The following ADAMTS9 variants were observed in gnomAD, a reference collection of about 807,000 sequenced individuals.
ADAMTS9 encodes the protein ADAM metallopeptidase with thrombospondin type 1 motif 9.
A neutral mutation model predicts 257.1 loss-of-function variants in ADAMTS9; 107 were observed. That is an observed-to-expected ratio of 0.42 (90% CI 0.36 to 0.49). The LOEUF (loss-of-function observed/expected upper bound fraction) is 0.49, where lower values mean the gene tolerates loss of function less well. ADAMTS9 is among the 20% of genes least tolerant of loss of function. The pLI, the probability that ADAMTS9 is intolerant of heterozygous loss-of-function variation, is 0.03. For synonymous variants in ADAMTS9, 982 were observed against 880.9 expected (o/e 1.11, Z -2.03); for missense variants, 2,353 against 2,469.1 (o/e 0.95, Z 1.00).
chr3:64,625,269 G>A (rs1477116921), intron 16 of ADAMTS9, among the ~76,000 whole-genome samples: 1 of 152,152 alleles, frequency 6.6e-6, no homozygotes, highest in African/African-American at 2.4e-5. Context: ...GTGGAATGAG[G>A]AGTGGACAAG....
At chr3:64,546,549 T>A (rs969155416) in intron 32 of ADAMTS9, among the ~76,000 whole-genome samples, 6 of 152,198 alleles carry the variant, frequency 3.9e-5, no homozygotes, top group Admixed American at 6.5e-5. Flanking sequence ...ATCCAGACTG[T>A]CTGGCTTCAG....
chr3:64,644,028 A>C lies in ADAMTS9; in HGVS notation c.1711-2035T>G, dbSNP rs571595639. On this transcript the variant is annotated intron_variant, in intron 11 of 39. Transcript: ENST00000498707. ...TAAAGTCTGTTTCCACAATCAAAAA[A>C]TGGGGACCTACTGGCCAAAATTATT... 4.6e-5 allele frequency among the ~76,000 whole-genome samples: 7 copies of C among 152,328 alleles called. No homozygotes were observed. In the South Asian group the frequency reaches 8.3e-4, roughly 18 times the overall value.
At chr3:64,570,699 A>C (rs1185748135) in intron 28 of ADAMTS9, among the ~76,000 whole-genome samples, 14 of 94,324 alleles carry the variant, frequency 1.5e-4, no homozygotes, top group African/African-American at 4.6e-4. Context: ...CCGTCTCAAA[A>C]AAAAAAAAAA....
At chr3:64,648,144 T>C (rs1160865427) in intron 10 of ADAMTS9, 100 bp from the exon 11 acceptor site, 27 of 1,045,496 alleles carry the variant, frequency 2.6e-5, no homozygotes, top group Non-Finnish European at 3.7e-5. Flanking sequence ...ACCAATGACA[T>C]AGGGTAAGTG....
At position 64,686,902 on chromosome 3, in the gene ADAMTS9, T is replaced by A. The variant is rs767055925; in HGVS notation, c.182A>T (p.Glu61Val). The A allele has an allele frequency of 9.3e-6, 15 of 1,614,156 alleles. No individual in the cohort carries two copies. In the African/African-American group the frequency reaches 1.9e-4, roughly 20 times the overall value. The change falls in exon 2 of 40, where the codon GAA (glutamate) becomes GTA (valine). Residue 61 changes from glutamate to valine, a missense_variant. Transcript: ENST00000498707. This position sits in a 1 kb window ranked among gnomAD's most constrained non-coding sequence, Gnocchi z 4.6. ...VSPIRVNALG[E>V]PFPTNVHFKR... ...GAAGTGGACGTTCGTGGGAAAGGGT[T>A]CTCCGAGAGCGTTCACTCGGATGGG...
chr3:64,634,112 A>G (rs1384277944), intron 12 of ADAMTS9, among the ~76,000 whole-genome samples: 1 of 151,984 alleles, frequency 6.6e-6, no homozygotes, highest in South Asian at 2.1e-4. Flanking sequence ...ATATTTGCAA[A>G]ATGGGATGTA....
intron 3 of ADAMTS9, among the ~76,000 whole-genome samples, chr3:64,665,129 G>A (rs367830844): frequency 2.0e-4 from 30 of 152,256 alleles, no homozygotes; most frequent in East Asian, 9.6e-4. Flanking sequence ...AAATTTAGAC[G>A]TGTTTAAAAA....
At chr3:64,597,507 T>G (rs1404127308) in intron 26 of ADAMTS9, among the ~76,000 whole-genome samples, 2 of 152,222 alleles carry the variant, frequency 1.3e-5, no homozygotes, top group African/African-American at 2.4e-5. Context: ...GGAATGTCAT[T>G]TAGACATCAT....
intron 19 of ADAMTS9, among the ~76,000 whole-genome samples, chr3:64,620,369 T>TAA (rs1210033988): frequency 2.0e-5 from 3 of 152,148 alleles, no homozygotes; most frequent in African/African-American, 7.2e-5. Flanking sequence ...TGCTTATAAA[T>TAA]GGTGAGACCT....
At chr3:64,640,651 T>G (rs754119707) in intron 12 of ADAMTS9, among the ~76,000 whole-genome samples, 4 of 152,218 alleles carry the variant, frequency 2.6e-5, no homozygotes, top group Non-Finnish European at 5.9e-5. Context: ...GACTTCTTGG[T>G]TCCCAGCCTA....
At chr3:64,574,624 T>C (rs1323948112) in intron 28 of ADAMTS9, among the ~76,000 whole-genome samples, 1 of 151,688 alleles carries the variant, frequency 6.6e-6, no homozygotes, top group East Asian at 1.9e-4. Flanking sequence ...TTCCAACTGC[T>C]TGGGCAACTG....
intron 19 of ADAMTS9, among the ~76,000 whole-genome samples, chr3:64,620,484 C>A (rs992149391): frequency 1.3e-5 from 2 of 151,282 alleles, no homozygotes; most frequent in Admixed American, 1.3e-4. Context: ...GTATAAAATG[C>A]AAGCCCCGAC....
chr3:64,545,695 C>A (rs1022519652), intron 32 of ADAMTS9, among the ~76,000 whole-genome samples: 1 of 152,148 alleles, frequency 6.6e-6, no homozygotes, highest in African/African-American at 2.4e-5. Context: ...CAACATGGCA[C>A]ATGTATACAT....
At chr3:64,552,982 T>G (rs957873178) in intron 30 of ADAMTS9, among the ~76,000 whole-genome samples, 1 of 152,188 alleles carries the variant, frequency 6.6e-6, no homozygotes, top group Non-Finnish European at 1.5e-5. Context: ...GCATTTATGT[T>G]TGGAACTCAG....
At chr3:64,669,890 C>T (rs544357408) in intron 3 of ADAMTS9, among the ~76,000 whole-genome samples, 40 of 152,228 alleles carry the variant, frequency 2.6e-4, no homozygotes, top group African/African-American at 8.4e-4. Flanking sequence ...CTTCTATTTT[C>T]TCTAATCTGA....
chr3:64,652,764 C>G, intron 8 of ADAMTS9, among the ~76,000 whole-genome samples: 1 of 152,102 alleles, frequency 6.6e-6, no homozygotes, highest in East Asian at 1.9e-4. Flanking sequence ...TGCCTTATTT[C>G]ATTTAATCAC....
At chr3:64,599,219 T>G (rs2106801755) in intron 26 of ADAMTS9, among the ~76,000 whole-genome samples, 1 of 152,350 alleles carries the variant, frequency 6.6e-6, no homozygotes, top group South Asian at 2.1e-4. Context: ...ATAACCTTTC[T>G]CCAGGTCTAA....
At chr3:64,584,536 A>G (rs979178720) in intron 28 of ADAMTS9, among the ~76,000 whole-genome samples, 2 of 152,088 alleles carry the variant, frequency 1.3e-5, no homozygotes, top group African/African-American at 4.8e-5. Flanking sequence ...ATGTGTCAGA[A>G]TTTTTAAAGT....
At chr3:64,662,155 C>G (rs72892805) in intron 3 of ADAMTS9, among the ~76,000 whole-genome samples, 10,997 of 151,970 alleles carry the variant, frequency 0.072, 1,297 homozygotes, top group African/African-American at 0.25. Flanking sequence ...TTTCTGCTTT[C>G]TCCTTTGAAT....
Sources: gnomAD v4.1 joint callset for allele counts (sites outside exome capture counted in the v4.1 genomes callset) on GRCh38, gnomAD v4.1.1 for gene constraint, Gnocchi (gnomAD v3.1) non-coding constraint, MANE v1.5 for transcripts, NCBI Gene and HGNC (gene_info 2026-07-23, HGNC 2026-07-21) for gene names.